DNAJC25: variants seen among roughly 807,000 people sequenced by gnomAD.
DNAJC25 encodes the protein DnaJ heat shock protein family (Hsp40) member C25, also known as dnaJ homolog subfamily C member 25.
In DNAJC25, 26 loss-of-function variants were observed where a neutral mutation model predicts 42.1. The observed-to-expected ratio is 0.62, with a 90% confidence interval of 0.45 to 0.86. DNAJC25 has a LOEUF of 0.86. DNAJC25 is among the 40% of genes least tolerant of loss of function. The pLI is 0.00. For missense variants in DNAJC25, 404 were observed against 459.4 expected (o/e 0.88, Z 1.10); for synonymous variants, 189 against 179.9 (o/e 1.05, Z -0.40).
chr9:111,653,064 T>C (rs778202363), intron 3 of DNAJC25, 36 bp from the exon 4 acceptor site: 12 of 1,524,798 alleles, frequency 7.9e-6, no homozygotes, highest in Admixed American at 4.1e-5. Flanking sequence ...TGTTCCTCTT[T>C]GGATTGTGAA....
chr9:111,647,389 C>T, intron 2 of DNAJC25, 130 bp downstream of exon 2: 1 of 1,193,660 alleles, frequency 8.4e-7, no homozygotes, highest in Non-Finnish European at 1.2e-6. Context: ...CTGTTTTAGT[C>T]ATTGGCAATG....
intron 1 of DNAJC25, among the ~76,000 whole-genome samples, chr9:111,632,544 G>T (rs578078354): frequency 6.6e-6 from 1 of 152,182 alleles, no homozygotes; most frequent in South Asian, 2.1e-4. Flanking sequence ...TTAGCCCGAT[G>T]CTGTTTTCTT....
intron 1 of DNAJC25, among the ~76,000 whole-genome samples, chr9:111,632,161 G>A (rs1830293052): frequency 6.6e-6 from 1 of 151,280 alleles, no homozygotes; most frequent in South Asian, 2.1e-4. Flanking sequence ...TTGGTTTCTG[G>A]AAATAGTGTT....
intron 1 of DNAJC25, among the ~76,000 whole-genome samples, chr9:111,642,609 AT>A (rs757987647): frequency 0.27 from 37,659 of 141,676 alleles, 6,872 homozygotes; most frequent in African/African-American, 0.61. Context: ...TTATCAATAA[AT>A]AAATAAATAA....
chr9:111,647,178 C>T lies in DNAJC25; in HGVS notation c.408C>T (p.His136=). The change falls in exon 2 of 4, where the codon CAC becomes CAT. Residue 136 remains histidine, a synonymous_variant. Coordinates refer to ENST00000313525, the MANE Select transcript of DNAJC25 (RefSeq NM_001015882.3). ...AAGAGTACTACAGCCATTACTACCA[C>T]TACTATAGCAGGCGCTTGGCCCCTA... is the stretch of plus-strand genomic sequence containing the variant. ...HPEEYYSHYY[H]YYSRRLAPKV... 6.2e-7 allele frequency: 1 copy of T among 1,614,186 alleles called. No individual in the cohort carries two copies. The highest frequency in any genetic ancestry group is 8.5e-7 in the Non-Finnish European group (1 of 1,180,030).
intron 1 of DNAJC25, among the ~76,000 whole-genome samples, chr9:111,641,768 C>T (rs1830473968): frequency 1.5e-5 from 2 of 133,276 alleles, no homozygotes; most frequent in South Asian, 2.3e-4. Context: ...AGTGAGGAGC[C>T]CCTCTGCCCG....
intron 3 of DNAJC25, among the ~76,000 whole-genome samples, chr9:111,650,630 A>G (rs1236975990): frequency 6.6e-6 from 1 of 152,150 alleles, no homozygotes; most frequent in African/African-American, 2.4e-5. Flanking sequence ...TAAATATAAG[A>G]ATAGAGCACA....
chr9:111,637,387 T>C (rs536732781), intron 1 of DNAJC25, among the ~76,000 whole-genome samples: 1 of 152,340 alleles, frequency 6.6e-6, no homozygotes, highest in East Asian at 1.9e-4. Context: ...AAGAAAACTC[T>C]GGGAGCAATT....
intron 1 of DNAJC25, among the ~76,000 whole-genome samples, chr9:111,640,475 A>G (rs1469329449): frequency 3.1e-4 from 27 of 87,598 alleles, no homozygotes; most frequent in Non-Finnish European, 1.1e-4. Flanking sequence ...CCATCTAGGA[A>G]GTGAGGAGCG....
In DNAJC25 at chr9:111,650,358, C is replaced by G. The variant is rs1830639978; in HGVS notation, c.960+435C>G. Among the ~76,000 whole-genome samples, 4 of 149,928 alleles carry G rather than the reference C, an allele frequency of 2.7e-5. No homozygotes were observed. In the South Asian group the frequency reaches 8.4e-4, roughly 31 times the overall value. On this transcript the variant is annotated intron_variant, in intron 3 of 3. Transcript: ENST00000313525. Reference sequence around the variant, plus strand: ...AAATTTTGTTGAGATGACTTCATTTCAAAATAATTGAGCACAAGATATTCT... The same window carrying G: ...AAATTTTGTTGAGATGACTTCATTTGAAAATAATTGAGCACAAGATATTCT...
chr9:111,644,142 C>T (rs1392378530), intron 1 of DNAJC25, among the ~76,000 whole-genome samples: 1 of 152,080 alleles, frequency 6.6e-6, no homozygotes, highest in East Asian at 1.9e-4. Context: ...CTAATCATGG[C>T]CAAAACAGGG....
rs147197992 is a variant in DNAJC25 at position 111,652,247 on chromosome 9, C to T, written c.961-853C>T. ...GTTCTAGGCAGGGTGCAGTGGCTCA[C>T]GCCTGTAATCCCAACACTTTGGGAG... On this transcript the variant is annotated intron_variant, in intron 3 of 3. Transcript: ENST00000313525. 5.7e-4 allele frequency among the ~76,000 whole-genome samples: 87 copies of T among 151,888 alleles called. 1 individual carries two copies. Among genetic ancestry groups the T allele is most frequent in the African/African-American group, 1.9e-3 (79 of 41,448 alleles).
chr9:111,651,100 C>T (rs965048696), intron 3 of DNAJC25, among the ~76,000 whole-genome samples: 1 of 151,350 alleles, frequency 6.6e-6, no homozygotes, highest in Admixed American at 6.6e-5. Context: ...AACCCTGTCT[C>T]AAAATACAAA....
intron 1 of DNAJC25, among the ~76,000 whole-genome samples, chr9:111,637,931 C>G (rs1015930847): frequency 5.3e-5 from 8 of 152,158 alleles, no homozygotes; most frequent in African/African-American, 1.9e-4. Flanking sequence ...GTTGAGTTCT[C>G]CTTTGTGTAC....
At chr9:111,652,850 A>G (rs1433474436) in intron 3 of DNAJC25, among the ~76,000 whole-genome samples, 2 of 152,126 alleles carry the variant, frequency 1.3e-5, no homozygotes, top group Admixed American at 6.5e-5. Context: ...CCCGGCCACA[A>G]AATTACTAGT....
At chr9:111,636,478 T>A (rs10817203) in intron 1 of DNAJC25, among the ~76,000 whole-genome samples, 44,128 of 152,088 alleles carry the variant, frequency 0.29, 7,118 homozygotes, top group East Asian at 0.44. Flanking sequence ...AAATATTTTA[T>A]AATTATATAA....
At chr9:111,631,869 CT>C in intron 1 of DNAJC25, 126 bp downstream of exon 1, 1 of 1,386,080 alleles carries the variant, frequency 7.2e-7, no homozygotes. Flanking sequence ...CCACCGCGAC[CT>C]TTAAGATACT....
In DNAJC25 at chr9:111,653,095, T is replaced by TA; in HGVS notation, c.961-4dup. On this transcript the variant is annotated splice_region_variant and splice_polypyrimidine_tract_variant and intron_variant, in intron 3 of 3. Coordinates refer to ENST00000313525, the MANE Select transcript of DNAJC25 (RefSeq NM_001015882.3). ...GTGAAGTCATCTAGTTATTTATACT[T>TA]ACAGGTCTACAAGCAAGAACAAGAG... 3 of 1,588,224 alleles carry TA rather than the reference T, an allele frequency of 1.9e-6. No homozygotes were observed. The highest frequency in any genetic ancestry group is 2.6e-6 in the Non-Finnish European group (3 of 1,166,410).
intron 1 of DNAJC25, among the ~76,000 whole-genome samples, chr9:111,639,241 A>G (rs1830408298): frequency 6.6e-6 from 1 of 152,232 alleles, no homozygotes; most frequent in African/African-American, 2.4e-5. Context: ...TGCTCAATAC[A>G]AGGCCTAATG....
Sources: gnomAD v4.1 joint callset for allele counts (sites outside exome capture counted in the v4.1 genomes callset) on GRCh38, gnomAD v4.1.1 for gene constraint, MANE v1.5 for transcripts, NCBI Gene and HGNC (gene_info 2026-07-23, HGNC 2026-07-21) for gene names.